Variants in KCND3 observed in about 807,000 individuals in gnomAD.
KCND3 encodes the protein potassium voltage-gated channel subfamily D member 3, also known as A-type voltage-gated potassium channel KCND3.
Under a neutral mutation model 51.1 loss-of-function variants are expected in KCND3, and 9 were observed. The ratio of observed to expected loss-of-function variants is 0.18; its 90% CI spans 0.11 to 0.31. The LOEUF (loss-of-function observed/expected upper bound fraction) is 0.31, where lower values mean the gene tolerates loss of function less well. KCND3 is among the 10% of genes least tolerant of loss of function. KCND3 has a pLI of 1.00. For synonymous variants in KCND3, 349 were observed against 368.0 expected (o/e 0.95, Z 0.59); for missense variants, 526 against 903.8 (o/e 0.58, Z 5.36).
At chr1:111,776,680 C>G (rs140181826) in intron 7 of KCND3, among the ~76,000 whole-genome samples, 1 of 152,084 alleles carries the variant, frequency 6.6e-6, no homozygotes, top group Non-Finnish European at 1.5e-5. Context: ...AACACAGATA[C>G]GAAAACTGTT....
chr1:111,955,750 G>A (rs1328792409), intron 2 of KCND3, among the ~76,000 whole-genome samples: 1 of 152,162 alleles, frequency 6.6e-6, no homozygotes, highest in African/African-American at 2.4e-5. Context: ...TTTAGTTTTT[G>A]AATCATATGG....
chr1:111,982,024 T>C lies in KCND3; in HGVS notation c.703A>G (p.Met235Val). The C allele has an allele frequency of 1.2e-6, 2 of 1,613,588 alleles. No homozygotes were observed. The highest frequency in any genetic ancestry group is 2.2e-5 in the East Asian group (1 of 44,788). ...AGGAGGTACTCCACGGTGAAGATCATGACGCACGCCGTGTCCAGGCAGAAG... is the reference window on the plus strand; with the variant it reads ...AGGAGGTACTCCACGGTGAAGATCACGACGCACGCCGTGTCCAGGCAGAAG... Reference protein sequence around the residue: ...AFFCLDTACVMIFTVEYLLRL... With the variant: ...AFFCLDTACVVIFTVEYLLRL... The change falls in exon 2 of 8, where the codon ATG (methionine) becomes GTG (valine). Residue 235 changes from methionine to valine, a missense_variant. Physicochemically the swap from Met to Val is conservative, Grantham distance 21. Around this residue, in one of 5 missense-constraint regions of KCND3, gnomAD observed 51 missense variants for 84.7 expected, o/e 0.60. Transcript: ENST00000302127. This position sits in a 1 kb window ranked among gnomAD's most constrained non-coding sequence, Gnocchi z 8.5.
Position 111,982,101 on chromosome 1 carries a change from G to T in KCND3, c.626C>A (p.Thr209Lys). The T allele has an allele frequency of 6.2e-7, 1 of 1,613,728 alleles. No individual in the cohort carries two copies. Among genetic ancestry groups the T allele is most frequent in the Non-Finnish European group, 8.5e-7 (1 of 1,179,964 alleles). ...CGGCAGCTCCTTGCTGCCCGGGACC[G>T]TGCCGCACGGCACCGTCTCCACCAC... ...TNVVETVPCGTVPGSKELPCG... is the reference protein window; with the variant it reads ...TNVVETVPCGKVPGSKELPCG... Residue 209 changes from threonine (T) to lysine (K), a missense_variant, in exon 2 of 8, where the codon ACG becomes AAG. Around this residue, in one of 5 missense-constraint regions of KCND3, gnomAD observed 51 missense variants for 84.7 expected, o/e 0.60. Coordinates refer to ENST00000302127, the MANE Select transcript of KCND3 (RefSeq NM_001378969.1). The surrounding 1 kb of genome is among the most constrained non-coding windows in gnomAD (Gnocchi z 8.5).
intron 2 of KCND3, among the ~76,000 whole-genome samples, chr1:111,845,523 T>C (rs566889253): frequency 6.7e-6 from 1 of 149,758 alleles, no homozygotes; most frequent in Admixed American, 6.6e-5. Context: ...TCTCTCCCCA[T>C]CACCCTCCCG....
chr1:111,773,092 A>G lies in KCND3; in HGVS notation c.*2985T>C, dbSNP rs1663982533. ...GTGAGCTGGATCTTTTCTCTGGCTA[A>G]GGCTACAGTGGAGGATGGAGGAAAA... On this transcript the variant is annotated 3_prime_UTR_variant, in exon 8 of 8. Transcript: ENST00000302127. 6.6e-6 allele frequency: 1 copy of G among 152,212 alleles called. No homozygotes were observed. The highest frequency in any genetic ancestry group is 2.4e-5 in the African/African-American group (1 of 41,422). The allele number at this position is 152,212 out of a possible 1,614,324, so 9.4% of individuals were successfully genotyped here.
intron 2 of KCND3, among the ~76,000 whole-genome samples, chr1:111,809,151 C>T (rs1271075169): frequency 6.6e-6 from 1 of 152,118 alleles, no homozygotes; most frequent in Admixed American, 6.6e-5. Context: ...GGGCCCTGGG[C>T]CGCTGTTGAA....
chr1:111,797,893 T>G lies in KCND3; in HGVS notation c.1107-10787A>C, dbSNP rs574793369. ...AAATATTCATCTTTGAAAGATCACCTTGAAAGCAGTGTGGTGGATGTATTG... is the reference window on the plus strand; with the variant it reads ...AAATATTCATCTTTGAAAGATCACCGTGAAAGCAGTGTGGTGGATGTATTG... On this transcript the variant is annotated intron_variant, in intron 2 of 7. Coordinates refer to ENST00000302127, the MANE Select transcript of KCND3 (RefSeq NM_001378969.1). Among the ~76,000 whole-genome samples the G allele has an allele frequency of 1.7e-4, 26 of 152,224 alleles. 1 individual carries two copies. Among genetic ancestry groups the G allele is most frequent in the South Asian group, 4.1e-4 (2 of 4,826 alleles).
intron 2 of KCND3, among the ~76,000 whole-genome samples, chr1:111,922,003 G>T (rs958341239): frequency 4.6e-5 from 7 of 152,142 alleles, no homozygotes; most frequent in African/African-American, 1.7e-4. Flanking sequence ...TAACGCTACT[G>T]CAACAGCCAC....
chr1:111,839,015 C>T (rs1667204442), intron 2 of KCND3, among the ~76,000 whole-genome samples: 1 of 152,138 alleles, frequency 6.6e-6, no homozygotes, highest in Non-Finnish European at 1.5e-5. Flanking sequence ...TTTAGTGAGC[C>T]CCTGCTGGCT....
At chr1:111,892,880 T>C (rs1439514218) in intron 2 of KCND3, among the ~76,000 whole-genome samples, 1 of 152,210 alleles carries the variant, frequency 6.6e-6, no homozygotes, top group Non-Finnish European at 1.5e-5. Context: ...AGGTATAGAA[T>C]TCAAACAGGG....
chr1:111,916,841 A>T (rs767765091), intron 2 of KCND3, among the ~76,000 whole-genome samples: 10 of 152,156 alleles, frequency 6.6e-5, no homozygotes, highest in Non-Finnish European at 1.5e-5. Context: ...AACTACCAAC[A>T]CTCACTCAAG....
chr1:111,980,203 A>AGTGTGTGTGTGTGTGTGT (rs58988523), intron 2 of KCND3, among the ~76,000 whole-genome samples: 60 of 143,046 alleles, frequency 4.2e-4, no homozygotes, highest in Admixed American at 8.4e-4. Context: ...CCATTTGAAG[A>AGTGTGTGTGTGTGTGTGT]GTGTGTGTGT....
intron 2 of KCND3, among the ~76,000 whole-genome samples, chr1:111,844,979 C>A (rs763721151): frequency 6.6e-6 from 1 of 152,226 alleles, no homozygotes; most frequent in Non-Finnish European, 1.5e-5. Flanking sequence ...CTTGACCCTG[C>A]ATACTGCTGT....
chr1:111,958,216 A>T (rs12404392), intron 2 of KCND3, among the ~76,000 whole-genome samples: 39,408 of 152,064 alleles, frequency 0.26, 5,406 homozygotes, highest in Middle Eastern at 0.38. Flanking sequence ...TGTGATAATA[A>T]GGATCCTAAT....
At chr1:111,977,772 G>C (rs766757907) in intron 2 of KCND3, among the ~76,000 whole-genome samples, 1 of 152,186 alleles carries the variant, frequency 6.6e-6, no homozygotes, top group Admixed American at 6.5e-5. Flanking sequence ...GCCAAACAAA[G>C]TCAAATGAAG....
Position 111,775,710 on chromosome 1 carries a change from A to C in KCND3, c.*367T>G. The C allele has an allele frequency of 3.0e-6, 1 of 330,020 alleles. No homozygotes were observed. Among genetic ancestry groups the C allele is most frequent in the South Asian group, 3.2e-5 (1 of 31,162 alleles). 20.4% of individuals were successfully genotyped at this position (330,020 alleles called of 1,614,324 possible). A position where few individuals can be genotyped will look rare whatever the true frequency, so the allele number is the denominator to read the frequency against. On this transcript the variant is annotated 3_prime_UTR_variant, in exon 8 of 8. Coordinates refer to ENST00000302127, the MANE Select transcript of KCND3 (RefSeq NM_001378969.1). Reference sequence around the variant, plus strand: ...GCCTCTTTGCTGCTCTTGGTCTTGTATTTTCCTCACTGGGGTCTCCAGAAA... The same window carrying C: ...GCCTCTTTGCTGCTCTTGGTCTTGTCTTTTCCTCACTGGGGTCTCCAGAAA...
At chr1:111,817,347 G>A (rs918767321) in intron 2 of KCND3, among the ~76,000 whole-genome samples, 2 of 152,206 alleles carry the variant, frequency 1.3e-5, no homozygotes, top group South Asian at 4.1e-4. Context: ...CTTTGGGAAA[G>A]TGACTTGGCA....
At chr1:111,957,667 G>A (rs1431857285) in intron 2 of KCND3, among the ~76,000 whole-genome samples, 1 of 152,200 alleles carries the variant, frequency 6.6e-6, no homozygotes, top group African/African-American at 2.4e-5. Context: ...GAGGGCATCT[G>A]CAGAGGGCTG....
intron 2 of KCND3, among the ~76,000 whole-genome samples, chr1:111,815,003 C>A (rs1010327094): frequency 5.3e-5 from 8 of 152,244 alleles, no homozygotes; most frequent in Non-Finnish European, 1.0e-4. Flanking sequence ...ACAAAGAACA[C>A]AAAGCAATGG....
Sources: gnomAD v4.1 joint callset for allele counts (sites outside exome capture counted in the v4.1 genomes callset) on GRCh38, gnomAD v4.1.1 for gene constraint, gnomAD v4.1.1 regional missense constraint, Gnocchi (gnomAD v3.1) non-coding constraint, MANE v1.5 for transcripts, NCBI Gene and HGNC (gene_info 2026-07-23, HGNC 2026-07-21) for gene names.